Variants in SPDEF observed in about 807,000 individuals in gnomAD.
SPDEF encodes SAM pointed domain-containing Ets transcription factor.
A neutral mutation model predicts 36.0 loss-of-function variants in SPDEF; 12 were observed. The observed-to-expected ratio is 0.33, with a 90% CI of 0.21 to 0.54. The LOEUF is 0.54. Ranked by LOEUF, SPDEF falls within the 20% of genes least tolerant of loss-of-function variation. The pLI, the probability that SPDEF is intolerant of heterozygous loss-of-function variation, is 0.93. For synonymous variants in SPDEF, 205 were observed against 193.0 expected, an observed-to-expected ratio of 1.06 and a Z score of -0.51; for missense variants, 388 against 456.9, an observed-to-expected ratio of 0.85 and a Z score of 1.37.
In SPDEF at chr6:34,542,956, G is replaced by A. The variant is rs543210890; in HGVS notation, c.436+1064C>T. Among the ~76,000 whole-genome samples the A allele has an allele frequency of 9.6e-4, 145 of 151,090 alleles. 1 individual carries two copies. The highest frequency in any genetic ancestry group is 3.3e-3 in the African/African-American group (134 of 41,210). On this transcript the variant is annotated intron_variant, in intron 2 of 5. Transcript: ENST00000374037. ...CGCTAGTAATCCCAGCACTTTGGGA[G>A]GCCGAGGCAGGCAGATCACGAGGTC...
At chr6:34,547,113 C>T (rs1021008037) in intron 1 of SPDEF, among the ~76,000 whole-genome samples, 1 of 151,964 alleles carries the variant, frequency 6.6e-6, no homozygotes, top group Non-Finnish European at 1.5e-5. Flanking sequence ...CCCTGGGCGC[C>T]ATGCCAGGGA....
At chr6:34,540,049 C>T (rs974390120) in intron 3 of SPDEF, among the ~76,000 whole-genome samples, 27 of 152,240 alleles carry the variant, frequency 1.8e-4, no homozygotes, top group African/African-American at 6.5e-4. Flanking sequence ...GCCTGTAGTC[C>T]CAGCACTTCA....
chr6:34,549,503 A>C (rs1340543135), intron 1 of SPDEF, among the ~76,000 whole-genome samples: 2 of 152,014 alleles, frequency 1.3e-5, no homozygotes, highest in Non-Finnish European at 2.9e-5. Flanking sequence ...TTTCACTCCC[A>C]CACCCCAACT....
rs1440300838 is a variant in SPDEF, at chr6:34,542,520, A to C, written c.437-1339T>G. ...GATCTGTGTCACTCACTATCATGTC[A>C]GCCCTACGAACACAGGGGCTGTGTT... On this transcript the variant is annotated intron_variant, in intron 2 of 5. Transcript: ENST00000374037. Among the ~76,000 whole-genome samples the C allele has an allele frequency of 2.0e-5, 3 of 152,374 alleles. No homozygotes were observed. In the East Asian group the frequency reaches 5.8e-4, roughly 29 times the overall value.
At chr6:34,551,628 A>T (rs1359089630) in intron 1 of SPDEF, among the ~76,000 whole-genome samples, 2 of 152,212 alleles carry the variant, frequency 1.3e-5, no homozygotes, top group Non-Finnish European at 2.9e-5. Context: ...CCTTGTAAGC[A>T]AAGGCATACT....
intron 1 of SPDEF, among the ~76,000 whole-genome samples, chr6:34,551,044 T>G (rs568387816): frequency 2.6e-4 from 39 of 152,316 alleles, no homozygotes; most frequent in South Asian, 1.2e-3. Flanking sequence ...CCAGCATTAT[T>G]CCCACTTGAC....
Position 34,552,888 on chromosome 6 carries a change from G to A in SPDEF, c.-30+3041C>T, listed in dbSNP as rs1012624137. Among the ~76,000 whole-genome samples, 1 of 152,152 alleles carries A rather than the reference G, an allele frequency of 6.6e-6. No homozygotes were observed. Among genetic ancestry groups the A allele is most frequent in the African/African-American group, 2.4e-5 (1 of 41,422 alleles). On this transcript the variant is annotated intron_variant, in intron 1 of 5. Coordinates refer to ENST00000374037, the MANE Select transcript of SPDEF (RefSeq NM_012391.3). This position sits in a 1 kb window ranked among gnomAD's most constrained non-coding sequence, Gnocchi z 4.6. ...CATCCCCCTTTTGTCCTGGCACAGA[G>A]GGTAGGGTGGGGCAGGAGGAGCTAG...
rs1319419267 is a variant in SPDEF at position 34,538,960 on chromosome 6, T to C, written c.829+290A>G. Among the ~76,000 whole-genome samples, 2 of 152,140 alleles carry C rather than the reference T, an allele frequency of 1.3e-5. No individual in the cohort carries two copies. The highest frequency in any genetic ancestry group is 2.9e-5 in the Non-Finnish European group (2 of 68,018). ...GCCTGTGCAGCCCTCTCTGGCAGGA[T>C]TAATTAATATGAGATGGTGGAGGGA... On this transcript the variant is annotated intron_variant, in intron 5 of 5. Coordinates refer to ENST00000374037, the MANE Select transcript of SPDEF (RefSeq NM_012391.3). The surrounding 1 kb of genome is among the most constrained non-coding windows in gnomAD (Gnocchi z 5.9).
rs1459954074 is a variant in SPDEF at position 34,538,401 on chromosome 6, C to T, written c.881G>A (p.Arg294His). The change falls in exon 6 of 6, where the codon CGC (arginine) becomes CAC (histidine). Residue 294 changes from arginine (R) to histidine (H), a missense_variant. Arg to His is a conservative substitution (Grantham distance 29, BLOSUM62 0). This residue lies in a region of SPDEF where 80 missense variants were observed against 130.8 expected (regional missense o/e 0.61). Transcript: ENST00000374037. The surrounding 1 kb of genome is among the most constrained non-coding windows in gnomAD (Gnocchi z 5.9). ...GTAGTTCATGGCGGGACGGTTCTTG[C>T]GGATGCCCCACAGCCGGGCCACCTG... ...SAQVARLWGI[R>H]KNRPAMNYDK... The T allele has an allele frequency of 3.7e-6, 6 of 1,613,938 alleles. No homozygotes were observed. Among genetic ancestry groups the T allele is most frequent in the Admixed American group, 3.3e-5 (2 of 60,020 alleles).
At chr6:34,553,318 A>G (rs1365960792) in intron 1 of SPDEF, among the ~76,000 whole-genome samples, 1 of 152,080 alleles carries the variant, frequency 6.6e-6, no homozygotes, top group African/African-American at 2.4e-5. Flanking sequence ...AATGTCAGGA[A>G]GAGCCCAGGG....
chr6:34,553,156 A>T (rs1768099360), intron 1 of SPDEF, among the ~76,000 whole-genome samples: 1 of 152,006 alleles, frequency 6.6e-6, no homozygotes. Flanking sequence ...CTGGCTGGGG[A>T]GGAAGGATGA....
chr6:34,545,862 G>T (rs919940789), intron 1 of SPDEF, among the ~76,000 whole-genome samples: 1 of 151,876 alleles, frequency 6.6e-6, no homozygotes, highest in Admixed American at 6.6e-5. Flanking sequence ...GCAGTGAGCC[G>T]AGATCGTGCC....
chr6:34,549,355 C>T (rs1327532080), intron 1 of SPDEF, among the ~76,000 whole-genome samples: 1 of 152,122 alleles, frequency 6.6e-6, no homozygotes, highest in Non-Finnish European at 1.5e-5. Flanking sequence ...CCTTCCATTC[C>T]CCCAGGAAGG....
chr6:34,543,563 G>C (rs1184440686), intron 2 of SPDEF, among the ~76,000 whole-genome samples: 1 of 152,134 alleles, frequency 6.6e-6, no homozygotes, highest in East Asian at 1.9e-4. Flanking sequence ...TTTTAATGGA[G>C]GGGTCAGGGA....
In SPDEF at chr6:34,538,387, C is replaced by T. The variant is rs145642998; in HGVS notation, c.895G>A (p.Ala299Thr). The T allele has an allele frequency of 6.8e-5, 109 of 1,614,060 alleles. No homozygotes were observed. In the African/African-American group the frequency reaches 1.2e-3, roughly 18 times the overall value. ...CGGCTCAGCTTGTCGTAGTTCATGG[C>T]GGGACGGTTCTTGCGGATGCCCCAC... ...RLWGIRKNRP[A>T]MNYDKLSRSI... is the part of the protein sequence containing the mutation. Residue 299 changes from alanine to threonine, a missense_variant, in exon 6 of 6, where the codon GCC (alanine) becomes ACC (threonine). This residue lies in a region of SPDEF where 80 missense variants were observed against 130.8 expected (regional missense o/e 0.61). Transcript: ENST00000374037. This position sits in a 1 kb window ranked among gnomAD's most constrained non-coding sequence, Gnocchi z 5.9.
At chr6:34,540,131 T>C (rs558985137) in intron 3 of SPDEF, among the ~76,000 whole-genome samples, 29 of 152,146 alleles carry the variant, frequency 1.9e-4, no homozygotes, top group African/African-American at 6.7e-4. Flanking sequence ...TGAAAACCCG[T>C]CTCTACCAAA....
At chr6:34,550,161 T>TGCCCC (rs1457508050) in intron 1 of SPDEF, among the ~76,000 whole-genome samples, 2 of 152,186 alleles carry the variant, frequency 1.3e-5, no homozygotes, top group Non-Finnish European at 2.9e-5. Flanking sequence ...ACCCCTGCCC[T>TGCCCC]GCCCCATCCC....
rs113074971 is a variant in SPDEF, at chr6:34,540,456, G to A, written c.634+528C>T. 4.5e-3 allele frequency among the ~76,000 whole-genome samples: 685 copies of A among 151,724 alleles called. 5 individuals are homozygous for A. The highest frequency in any genetic ancestry group is 0.016 in the African/African-American group (657 of 41,336). On this transcript the variant is annotated intron_variant, in intron 3 of 5. Coordinates refer to ENST00000374037, the MANE Select transcript of SPDEF (RefSeq NM_012391.3). ...GAACTGCATATATGTAAATGTGCTCGAGTATTCATAGACTTTCCCTGGAAA... is the reference window on the plus strand; with the variant it reads ...GAACTGCATATATGTAAATGTGCTCAAGTATTCATAGACTTTCCCTGGAAA...
chr6:34,542,858 C>T (rs186425948), intron 2 of SPDEF, among the ~76,000 whole-genome samples: 1 of 142,714 alleles, frequency 7.0e-6, no homozygotes, highest in East Asian at 2.0e-4. Context: ...CACTGCACTC[C>T]AGCCTCAGTG....
Sources: gnomAD v4.1 joint callset for allele counts (sites outside exome capture counted in the v4.1 genomes callset) on GRCh38, gnomAD v4.1.1 for gene constraint, gnomAD v4.1.1 regional missense constraint, Gnocchi (gnomAD v3.1) non-coding constraint, MANE v1.5 for transcripts, NCBI Gene and HGNC (gene_info 2026-07-23, HGNC 2026-07-21) for gene names.